The following RNGTT variants were observed in gnomAD, a reference collection of about 807,000 sequenced individuals.
RNGTT encodes the protein mRNA-capping enzyme.
In RNGTT, 33 loss-of-function variants were observed where a neutral mutation model predicts 79.3. The ratio of observed to expected loss-of-function variants is 0.42; its 90% CI spans 0.32 to 0.56. RNGTT has a LOEUF of 0.56. Ranked by LOEUF, RNGTT falls within the 20% of genes least tolerant of loss-of-function variation. The pLI is 0.17. For missense variants in RNGTT, 497 were observed against 739.1 expected, an observed-to-expected ratio of 0.67 and a Z score of 3.80; for synonymous variants, 222 against 235.9, an observed-to-expected ratio of 0.94 and a Z score of 0.54.
intron 4 of RNGTT, among the ~76,000 whole-genome samples, chr6:88,924,727 A>ATT (rs11459283): frequency 3.6e-4 from 50 of 138,106 alleles, no homozygotes; most frequent in Middle Eastern, 3.6e-3. Flanking sequence ...CTCCTCTCCA[A>ATT]TTTTTTTTTT....
chr6:88,913,672 T>C (rs1783907661), intron 4 of RNGTT, among the ~76,000 whole-genome samples: 1 of 152,072 alleles, frequency 6.6e-6, no homozygotes, highest in South Asian at 2.1e-4. Flanking sequence ...TGCATGATAA[T>C]AATCCTAAAC....
In RNGTT at chr6:88,726,354, G is replaced by C. The variant is rs138321709; in HGVS notation, c.1439+43420C>G. Among the ~76,000 whole-genome samples the C allele has an allele frequency of 8.6e-4, 113 of 131,966 alleles. 3 individuals carry two copies. In the East Asian group the frequency reaches 0.024, roughly 28 times the overall value. 86.6% of individuals were successfully genotyped at this position (131,966 alleles called of 152,430 possible). On this transcript the variant is annotated intron_variant, in intron 13 of 15. Coordinates refer to ENST00000369485, the MANE Select transcript of RNGTT (RefSeq NM_003800.5). ...CAACTTTTAGAGGAAACCTCATTGT[G>C]AGCACACCACATCAGGTCAGAACTA...
intron 11 of RNGTT, among the ~76,000 whole-genome samples, chr6:88,806,159 C>A (rs145529133): frequency 1.3e-5 from 2 of 152,044 alleles, no homozygotes; most frequent in African/African-American, 4.8e-5. Context: ...CACACACACA[C>A]ATACACAAAG....
intron 14 of RNGTT, among the ~76,000 whole-genome samples, chr6:88,636,373 G>A (rs990230163): frequency 6.6e-6 from 1 of 151,910 alleles, no homozygotes; most frequent in Admixed American, 6.6e-5. Flanking sequence ...TAGTAAACTA[G>A]ATCAAACCTA....
chr6:88,679,877 A>AT (rs1342749718), intron 13 of RNGTT, among the ~76,000 whole-genome samples: 2 of 152,224 alleles, frequency 1.3e-5, no homozygotes, highest in Non-Finnish European at 2.9e-5. Flanking sequence ...TCTGAACACG[A>AT]TTACACATAA....
intron 14 of RNGTT, among the ~76,000 whole-genome samples, chr6:88,622,752 TC>T (rs1772484038): frequency 1.3e-5 from 2 of 152,092 alleles, no homozygotes; most frequent in African/African-American, 4.8e-5. Flanking sequence ...TCCCAAATGT[TC>T]TTTCTTGCCA....
At chr6:88,893,804 A>T (rs1474462995) in intron 6 of RNGTT, among the ~76,000 whole-genome samples, 1 of 151,678 alleles carries the variant, frequency 6.6e-6, no homozygotes, top group Non-Finnish European at 1.5e-5. Context: ...AAAGAAAGGT[A>T]GAAGTCCAAT....
At chr6:88,753,844 G>A (rs1217693195) in intron 13 of RNGTT, among the ~76,000 whole-genome samples, 1 of 152,050 alleles carries the variant, frequency 6.6e-6, no homozygotes, top group Non-Finnish European at 1.5e-5. Context: ...CTTCTTACTA[G>A]GGACAGGGTT....
chr6:88,942,845 T>G (rs1415127100), intron 1 of RNGTT, among the ~76,000 whole-genome samples: 1 of 152,210 alleles, frequency 6.6e-6, no homozygotes, highest in Non-Finnish European at 1.5e-5. Flanking sequence ...AACTCTCAGT[T>G]CTCACCTTAA....
chr6:88,737,214 G>A (rs1457296208), intron 13 of RNGTT, among the ~76,000 whole-genome samples: 1 of 152,180 alleles, frequency 6.6e-6, no homozygotes, highest in African/African-American at 2.4e-5. Flanking sequence ...TATGGCCATA[G>A]ACTGATTTCT....
At chr6:88,738,038 A>T (rs1777343349) in intron 13 of RNGTT, among the ~76,000 whole-genome samples, 1 of 152,196 alleles carries the variant, frequency 6.6e-6, no homozygotes, top group South Asian at 2.1e-4. Context: ...TATCTTTAAA[A>T]TGGAGAAAAC....
intron 12 of RNGTT, among the ~76,000 whole-genome samples, chr6:88,774,087 T>C (rs1778790438): frequency 6.6e-6 from 1 of 152,174 alleles, no homozygotes; most frequent in South Asian, 2.1e-4. Flanking sequence ...ATGTATCTAT[T>C]TATATCCAGA....
At chr6:88,867,049 T>G (rs1403928436) in intron 8 of RNGTT, among the ~76,000 whole-genome samples, 22 of 152,346 alleles carry the variant, frequency 1.4e-4, no homozygotes, top group Non-Finnish European at 3.2e-4. Flanking sequence ...ATGCAGAATC[T>G]TGGGCCCCAG....
intron 6 of RNGTT, among the ~76,000 whole-genome samples, chr6:88,893,689 A>C (rs1280170092): frequency 6.6e-6 from 1 of 152,178 alleles, no homozygotes; most frequent in African/African-American, 2.4e-5. Flanking sequence ...CCAATCACCT[A>C]GTAAATGTCT....
intron 8 of RNGTT, among the ~76,000 whole-genome samples, chr6:88,876,773 C>T (rs1379756292): frequency 1.3e-5 from 2 of 152,162 alleles, no homozygotes; most frequent in African/African-American, 4.8e-5. Flanking sequence ...TCTTTCAAAG[C>T]TTCACATGTT....
intron 11 of RNGTT, among the ~76,000 whole-genome samples, chr6:88,812,175 T>A (rs1473846293): frequency 6.6e-6 from 1 of 152,238 alleles, no homozygotes; most frequent in African/African-American, 2.4e-5. Flanking sequence ...GTCATTCAAG[T>A]TAGCTAATCA....
rs150058750 is a variant in RNGTT at position 88,885,118 on chromosome 6, T to TCACACA, written c.896+5371_896+5376dup. 5.0e-3 allele frequency among the ~76,000 whole-genome samples: 747 copies of TCACACA among 149,146 alleles called. 6 individuals carry two copies. Among genetic ancestry groups the TCACACA allele is most frequent in the African/African-American group, 0.017 (684 of 40,782 alleles). The stretch of plus-strand genomic sequence containing the variant: ...TATAGGTGTGTATTTATGTATATAC[T>TCACACA]CACACACACACACACACACACATAT... On this transcript the variant is annotated intron_variant, in intron 8 of 15. Transcript: ENST00000369485.
chr6:88,930,187 T>C (rs1228934736), intron 2 of RNGTT, among the ~76,000 whole-genome samples: 1 of 148,300 alleles, frequency 6.7e-6, no homozygotes, highest in Non-Finnish European at 1.5e-5. Context: ...TGTATATACA[T>C]ATATACATAA....
intron 12 of RNGTT, among the ~76,000 whole-genome samples, chr6:88,800,315 C>G (rs571183774): frequency 2.6e-5 from 4 of 152,062 alleles, no homozygotes; most frequent in African/African-American, 4.8e-5. Flanking sequence ...AATGCTCCAA[C>G]GAGCATTTCC....
Sources: allele counts gnomAD v4.1 joint callset (sites outside exome capture counted in the v4.1 genomes callset), GRCh38; gene constraint gnomAD v4.1.1; transcripts MANE v1.5; gene names NCBI Gene and HGNC (gene_info 2026-07-23, HGNC 2026-07-21).